Variants in DLG2 observed in about 807,000 individuals in gnomAD.
DLG2 encodes disks large homolog 2.
DLG2 carries 45 observed loss-of-function variants against 132.5 expected under a neutral mutation model. That is an observed-to-expected ratio of 0.34 (90% CI 0.27 to 0.44). The LOEUF (loss-of-function observed/expected upper bound fraction) is 0.44, where lower values mean the gene tolerates loss of function less well. Among genes scored for constraint, DLG2 ranks in the 20% least tolerant of loss-of-function variants. The probability of loss-of-function intolerance (pLI) is 1.00; values close to 1 mark genes in which losing one functional copy is unlikely to be tolerated. For missense variants in DLG2, 1,045 were observed against 1,196.9 expected (o/e 0.87, Z 1.87); for synonymous variants, 424 against 419.6 (o/e 1.01, Z -0.13).
intron 6 of DLG2, among the ~76,000 whole-genome samples, chr11:84,684,480 A>G (rs1318903813): frequency 6.6e-6 from 1 of 152,132 alleles, no homozygotes; most frequent in Non-Finnish European, 1.5e-5. Flanking sequence ...CACAGAACAT[A>G]TTTGTTGATG....
intron 18 of DLG2, among the ~76,000 whole-genome samples, chr11:83,715,189 A>G (rs568286057): frequency 7.4e-4 from 113 of 152,332 alleles, no homozygotes; most frequent in Non-Finnish European, 1.2e-3. Flanking sequence ...ACTCACAGGA[A>G]TCATTGGTGT....
intron 6 of DLG2, among the ~76,000 whole-genome samples, chr11:84,593,560 C>T (rs891806459): frequency 6.6e-6 from 1 of 152,162 alleles, no homozygotes. Context: ...GAAAACCAAA[C>T]ACCACATGTT....
intron 6 of DLG2, among the ~76,000 whole-genome samples, chr11:85,026,965 C>A (rs1460294669): frequency 1.1e-4 from 17 of 151,618 alleles, no homozygotes; most frequent in East Asian, 3.9e-4. Context: ...TAAGGATGAC[C>A]AATACAATAC....
chr11:85,274,624 T>C (rs1016707356), intron 4 of DLG2, among the ~76,000 whole-genome samples: 3 of 152,142 alleles, frequency 2.0e-5, no homozygotes, highest in Non-Finnish European at 4.4e-5. Flanking sequence ...TCTGAACTTG[T>C]ACTCTGCTGT....
At chr11:83,970,671 T>C (rs2091156501) in intron 12 of DLG2, among the ~76,000 whole-genome samples, 1 of 152,342 alleles carries the variant, frequency 6.6e-6, no homozygotes, top group Non-Finnish European at 1.5e-5. Flanking sequence ...ACAGGAATGA[T>C]AGCAGTTACT....
At position 83,880,834 on chromosome 11, in the gene DLG2, T is replaced by C. The variant is rs1310619233; in HGVS notation, c.1497-6346A>G. Among the ~76,000 whole-genome samples, 7 of 152,206 alleles carry C rather than the reference T, an allele frequency of 4.6e-5. No individual in the cohort carries two copies. In the East Asian group the frequency reaches 1.3e-3, roughly 29 times the overall value. On this transcript the variant is annotated intron_variant, in intron 15 of 27. Transcript: ENST00000376104. ...ATTATTAAAAAGTTCTTCCTTCTCT[T>C]GGCGTGATACCCATCTGTCCACAGT...
chr11:83,569,318 A>G (rs1272854211), intron 19 of DLG2, among the ~76,000 whole-genome samples: 1 of 152,178 alleles, frequency 6.6e-6, no homozygotes, highest in Non-Finnish European at 1.5e-5. Context: ...TTATGTCAGT[A>G]AGCTCATGTC....
chr11:83,912,118 GA>G (rs1291121363), intron 15 of DLG2, among the ~76,000 whole-genome samples: 21 of 150,026 alleles, frequency 1.4e-4, no homozygotes, highest in Admixed American at 6.0e-4. Context: ...CAGCTATATA[GA>G]AAAAAAGAAA....
intron 12 of DLG2, among the ~76,000 whole-genome samples, chr11:83,979,686 A>G (rs866723899): frequency 2.0e-5 from 3 of 152,186 alleles, no homozygotes; most frequent in Admixed American, 6.5e-5. Flanking sequence ...TAAGGGGAGG[A>G]AAGGAAGAGA....
intron 3 of DLG2, among the ~76,000 whole-genome samples, chr11:85,374,396 A>G (rs1338074310): frequency 6.6e-6 from 1 of 152,244 alleles, no homozygotes; most frequent in Non-Finnish European, 1.5e-5. Flanking sequence ...AGCTTTAAAG[A>G]AAGACAATGC....
intron 6 of DLG2, among the ~76,000 whole-genome samples, chr11:84,570,929 C>A (rs1313686945): frequency 6.6e-6 from 1 of 152,082 alleles, no homozygotes; most frequent in Admixed American, 6.6e-5. Flanking sequence ...AGCTTGAGGC[C>A]TAGGAAAGGG....
At chr11:84,145,089 C>A (rs2095025779) in intron 9 of DLG2, among the ~76,000 whole-genome samples, 1 of 152,170 alleles carries the variant, frequency 6.6e-6, no homozygotes, top group African/African-American at 2.4e-5. Context: ...CTTAGCCACC[C>A]ACACCTTGTT....
intron 3 of DLG2, among the ~76,000 whole-genome samples, chr11:85,423,103 GTTGTTCAGATTCTT>G (rs1004147921): frequency 9.9e-5 from 15 of 152,152 alleles, no homozygotes; most frequent in African/African-American, 3.4e-4. Flanking sequence ...GCTGAAGGCT[GTTGTTCAGATTCTT>G]TTGTCCTACA....
At chr11:83,858,951 G>A (rs1421267475) in intron 16 of DLG2, among the ~76,000 whole-genome samples, 5 of 152,150 alleles carry the variant, frequency 3.3e-5, no homozygotes, top group Non-Finnish European at 5.9e-5. Flanking sequence ...TGGTTTGGCC[G>A]TGTCCCCACT....
At chr11:84,752,897 C>A (rs2066354706) in intron 6 of DLG2, among the ~76,000 whole-genome samples, 1 of 151,400 alleles carries the variant, frequency 6.6e-6, no homozygotes, top group Non-Finnish European at 1.5e-5. Flanking sequence ...AGGACCTGAA[C>A]TCATCATTTT....
intron 7 of DLG2, among the ~76,000 whole-genome samples, chr11:84,398,094 G>A (rs1234288967): frequency 6.6e-6 from 1 of 152,176 alleles, no homozygotes; most frequent in African/African-American, 2.4e-5. Context: ...AGTTCTGAAA[G>A]GCTTCCTTGT....
At chr11:85,625,091 C>A (rs2081962610) in intron 2 of DLG2, 1 of 152,042 alleles carries the variant, frequency 6.6e-6, no homozygotes, top group African/African-American at 2.4e-5. Flanking sequence ...CCTTCCTCCT[C>A]TTCCTTCCCA....
At chr11:84,505,792 T>C (rs2099237542) in intron 7 of DLG2, among the ~76,000 whole-genome samples, 2 of 152,028 alleles carry the variant, frequency 1.3e-5, no homozygotes, top group South Asian at 4.2e-4. Context: ...GAACAAGAAA[T>C]CTCTTGGGTA....
chr11:85,077,436 T>C (rs1400398432), intron 6 of DLG2, among the ~76,000 whole-genome samples: 1 of 152,038 alleles, frequency 6.6e-6, no homozygotes, highest in African/African-American at 2.4e-5. Flanking sequence ...GTGGAGTTGT[T>C]TGGCAATAAA....
Sources: allele counts gnomAD v4.1 joint callset (sites outside exome capture counted in the v4.1 genomes callset), GRCh38; gene constraint gnomAD v4.1.1; transcripts MANE v1.5; gene names NCBI Gene and HGNC (gene_info 2026-07-23, HGNC 2026-07-21).